Variants in STAT4 observed in about 807,000 individuals in gnomAD.
The protein encoded by STAT4 is signal transducer and activator of transcription 4.
Under a neutral mutation model 110.5 loss-of-function variants are expected in STAT4, and 42 were observed. The observed-to-expected ratio is 0.38, with a 90% CI of 0.30 to 0.49. The LOEUF (loss-of-function observed/expected upper bound fraction) is 0.49, where lower values mean the gene tolerates loss of function less well. STAT4 is among the 20% of genes least tolerant of loss of function. The pLI is 0.95. For missense variants in STAT4, 632 were observed against 887.9 expected, an observed-to-expected ratio of 0.71 and a Z score of 3.66; for synonymous variants, 284 against 302.2, an observed-to-expected ratio of 0.94 and a Z score of 0.63.
rs996119620 is a variant in STAT4 at position 191,140,345 on chromosome 2, A to G, written c.273+6268T>C. On this transcript the variant is annotated intron_variant, in intron 3 of 23. Transcript: ENST00000392320. This position sits in a 1 kb window ranked among gnomAD's most constrained non-coding sequence, Gnocchi z 4.4. Reference sequence around the variant, plus strand: ...GGGAGAAAATATTTGCAAGCTATGTATCTGACAAAGGACTAATATCCATAA... The same window carrying G: ...GGGAGAAAATATTTGCAAGCTATGTGTCTGACAAAGGACTAATATCCATAA... Among the ~76,000 whole-genome samples, 3 of 152,262 alleles carry G rather than the reference A, an allele frequency of 2.0e-5. No homozygotes were observed. Among genetic ancestry groups the G allele is most frequent in the Non-Finnish European group, 4.4e-5 (3 of 68,046 alleles).
chr2:191,072,707 G>GA (rs1005576521), intron 5 of STAT4, among the ~76,000 whole-genome samples: 29 of 151,856 alleles, frequency 1.9e-4, no homozygotes, highest in Admixed American at 1.4e-3. Context: ...GGAAAAAAGA[G>GA]AAAAAAATTT....
intron 3 of STAT4, among the ~76,000 whole-genome samples, chr2:191,127,691 G>A (rs1698918528): frequency 6.6e-6 from 1 of 152,172 alleles, no homozygotes; most frequent in Non-Finnish European, 1.5e-5. Flanking sequence ...TAAATCATAT[G>A]AGCCCTACTT....
At chr2:191,094,917 C>CAAAAAAAAAAAAAAAAAAAAAAA (rs1165913847) in intron 3 of STAT4, among the ~76,000 whole-genome samples, 1 of 77,920 alleles carries the variant, frequency 1.3e-5, no homozygotes, top group Non-Finnish European at 2.3e-5. Context: ...AAATGGAAAG[C>CAAAAAAAAAAAAAAAAAAAAAAA]AAAAAAAAAA....
At chr2:191,095,518 G>A (rs1390913909) in intron 3 of STAT4, among the ~76,000 whole-genome samples, 3 of 152,160 alleles carry the variant, frequency 2.0e-5, no homozygotes, top group Non-Finnish European at 4.4e-5. Flanking sequence ...TGGACACTGG[G>A]TAAATAATGA....
Position 191,064,856 on chromosome 2 carries a change from C to T in STAT4, c.733G>A (p.Ala245Thr), listed in dbSNP as rs201972198. 14 of 1,613,382 alleles carry T rather than the reference C, an allele frequency of 8.7e-6. No homozygotes were observed. The highest frequency in any genetic ancestry group is 6.7e-5 in the East Asian group (3 of 44,804). The change falls in exon 8 of 24, where the codon GCC becomes ACC. Residue 245 changes from alanine to threonine, a missense_variant. Coordinates refer to ENST00000392320, the MANE Select transcript of STAT4 (RefSeq NM_003151.4). ...TTGTGGAGTGGACCCCCGATGCAGG[C>T]GATTTGCTGCCGCCGCTTCCAGTCT... is the stretch of plus-strand genomic sequence containing the variant. ...LQDWKRRQQI[A>T]CIGGPLHNGL...
intron 14 of STAT4, chr2:191,041,559 A>G (rs1286660675): frequency 3.3e-5 from 5 of 152,268 alleles, no homozygotes; most frequent in African/African-American, 1.2e-4. Context: ...AAAAGAATGC[A>G]AGACCTCCTT....
intron 13 of STAT4, among the ~76,000 whole-genome samples, chr2:191,055,198 CTTTTT>C: frequency 6.6e-6 from 1 of 151,150 alleles, no homozygotes; most frequent in South Asian, 2.1e-4. Context: ...TAAAATTTTT[CTTTTT>C]TTTCTTTTTT....
At chr2:191,038,942 A>G (rs1351816117) in intron 16 of STAT4, among the ~76,000 whole-genome samples, 1 of 152,180 alleles carries the variant, frequency 6.6e-6, no homozygotes, top group Non-Finnish European at 1.5e-5. Flanking sequence ...GTACGCACAT[A>G]GTTGGCAGCT....
chr2:191,029,642 G>T lies in STAT4; in HGVS notation c.*198C>A. The T allele has an allele frequency of 1.8e-6, 1 of 564,246 alleles. No individual in the cohort carries two copies. The allele number at this position is 564,246 out of a possible 1,614,324, so 35.0% of individuals were successfully genotyped here. On this transcript the variant is annotated 3_prime_UTR_variant, in exon 24 of 24. Coordinates refer to ENST00000392320, the MANE Select transcript of STAT4 (RefSeq NM_003151.4). The surrounding 1 kb of genome is among the most constrained non-coding windows in gnomAD (Gnocchi z 4.5). The stretch of plus-strand genomic sequence containing the variant: ...GTCTTATCTTGCAAGTTTATCTGAA[G>T]CTTTGGTTTCAAGCATTTCAGTCAC...
intron 3 of STAT4, among the ~76,000 whole-genome samples, chr2:191,120,873 T>G (rs1354411901): frequency 6.6e-6 from 1 of 152,234 alleles, no homozygotes; most frequent in Non-Finnish European, 1.5e-5. Flanking sequence ...AAGGACTTCA[T>G]GTCTAAAACA....
intron 5 of STAT4, among the ~76,000 whole-genome samples, chr2:191,070,970 T>G (rs947515924): frequency 6.6e-6 from 1 of 152,200 alleles, no homozygotes; most frequent in African/African-American, 2.4e-5. Context: ...TCATAAGTAG[T>G]AGCTATTATT....
intron 5 of STAT4, among the ~76,000 whole-genome samples, chr2:191,070,314 C>T (rs1697109714): frequency 6.6e-6 from 1 of 152,054 alleles, no homozygotes; most frequent in East Asian, 1.9e-4. Context: ...GTGATGTTTT[C>T]CTGTTCAGAT....
chr2:191,107,867 T>G lies in STAT4; in HGVS notation c.274-31542A>C, dbSNP rs982467414. On this transcript the variant is annotated intron_variant, in intron 3 of 23. Transcript: ENST00000392320. The surrounding 1 kb of genome is among the most constrained non-coding windows in gnomAD (Gnocchi z 4.2). ...AAGAAGTCCTAACATTTCTATAGGATGAAGGGCCCAAAGTTTCTACAGAAC... is the reference window on the plus strand; with the variant it reads ...AAGAAGTCCTAACATTTCTATAGGAGGAAGGGCCCAAAGTTTCTACAGAAC... Among the ~76,000 whole-genome samples, 1 of 152,180 alleles carries G rather than the reference T, an allele frequency of 6.6e-6. No homozygotes were observed. Among genetic ancestry groups the G allele is most frequent in the East Asian group, 1.9e-4 (1 of 5,200 alleles).
Position 191,053,059 on chromosome 2 carries a change from C to A in STAT4, c.1251+1431G>T, listed in dbSNP as rs553391163. 6.6e-6 allele frequency among the ~76,000 whole-genome samples: 1 copy of A among 152,254 alleles called. No homozygotes were observed. The highest frequency in any genetic ancestry group is 2.4e-5 in the African/African-American group (1 of 41,548). ...AAGGGAATGAAGAATTCTTGGAGGG[C>A]AAAATGGTAGGGCATTAAATCTTTT... On this transcript the variant is annotated intron_variant, in intron 14 of 23. Coordinates refer to ENST00000392320, the MANE Select transcript of STAT4 (RefSeq NM_003151.4). This position sits in a 1 kb window ranked among gnomAD's most constrained non-coding sequence, Gnocchi z 4.5.
rs1696081573 is a variant in STAT4, at chr2:191,037,728, C to T, written c.1435-1429G>A. On this transcript the variant is annotated intron_variant, in intron 16 of 23. Transcript: ENST00000392320. This position sits in a 1 kb window ranked among gnomAD's most constrained non-coding sequence, Gnocchi z 4.8. ...AAGGTGGGAATGAAAGAGGACACAG[C>T]ATCCAACAAGGAATGGGCAATAGGA... Among the ~76,000 whole-genome samples the T allele has an allele frequency of 6.6e-6, 1 of 152,112 alleles. No individual in the cohort carries two copies. Among genetic ancestry groups the T allele is most frequent in the African/African-American group, 2.4e-5 (1 of 41,408 alleles).
At position 191,039,170 on chromosome 2, in the gene STAT4, A is replaced by G. The variant is rs2125158821; in HGVS notation, c.1434+29T>C. On this transcript the variant is annotated intron_variant, in intron 16 of 23. Transcript: ENST00000392320. The surrounding 1 kb of genome is among the most constrained non-coding windows in gnomAD (Gnocchi z 4.7). ...GCAATAAAACAAATCGAATAGCATT[A>G]AAGAAGTTGAGGTAGAAATAGAGTC... 5 of 1,594,660 alleles carry G rather than the reference A, an allele frequency of 3.1e-6. No individual in the cohort carries two copies. In the East Asian group the frequency reaches 8.9e-5, roughly 28 times the overall value.
In STAT4 at chr2:191,117,569, G is replaced by A. The variant is rs556593172; in HGVS notation, c.273+29044C>T. 1.7e-4 allele frequency among the ~76,000 whole-genome samples: 26 copies of A among 152,288 alleles called. No homozygotes were observed. Among genetic ancestry groups the A allele is most frequent in the African/African-American group, 6.0e-4 (25 of 41,566 alleles). Reference sequence around the variant, plus strand: ...GGACACTAAGTGCTGTGGGAGTGCAGAGGAGAGAAAACTCGATGTGGATTT... The same window carrying A: ...GGACACTAAGTGCTGTGGGAGTGCAAAGGAGAGAAAACTCGATGTGGATTT... On this transcript the variant is annotated intron_variant, in intron 3 of 23. Coordinates refer to ENST00000392320, the MANE Select transcript of STAT4 (RefSeq NM_003151.4). This position sits in a 1 kb window ranked among gnomAD's most constrained non-coding sequence, Gnocchi z 5.2.
intron 3 of STAT4, among the ~76,000 whole-genome samples, chr2:191,141,064 G>A (rs894206278): frequency 8.6e-5 from 13 of 151,978 alleles, no homozygotes; most frequent in Admixed American, 2.6e-4. Context: ...GTGATATAAC[G>A]GACTTTGGGG....
rs1013335663 is a variant in STAT4, at chr2:191,125,645, C to T, written c.273+20968G>A. Among the ~76,000 whole-genome samples the T allele has an allele frequency of 7.9e-5, 12 of 151,954 alleles. No individual in the cohort carries two copies. In the East Asian group the frequency reaches 1.2e-3, roughly 15 times the overall value. On this transcript the variant is annotated intron_variant, in intron 3 of 23. Coordinates refer to ENST00000392320, the MANE Select transcript of STAT4 (RefSeq NM_003151.4). ...TAGTACTACAGGTGTACGCACGCTA[C>T]CATGCCCAACTAATTTTTTGTAGAG...
Sources: gnomAD v4.1 joint callset for allele counts (sites outside exome capture counted in the v4.1 genomes callset) on GRCh38, gnomAD v4.1.1 for gene constraint, Gnocchi (gnomAD v3.1) non-coding constraint, MANE v1.5 for transcripts, NCBI Gene and HGNC (gene_info 2026-07-23, HGNC 2026-07-21) for gene names.